The following PEX5L variants were observed in gnomAD, a reference collection of about 807,000 sequenced individuals.
The protein encoded by PEX5L is peroxisomal biogenesis factor 5 like.
PEX5L carries 30 observed loss-of-function variants against 84.0 expected under a neutral mutation model. The observed-to-expected ratio is 0.36, with a 90% CI of 0.27 to 0.48. The LOEUF is 0.48. Ranked by LOEUF, PEX5L falls within the 20% of genes least tolerant of loss-of-function variation. The pLI is 0.99. For missense variants in PEX5L, 533 were observed against 754.6 expected (o/e 0.71, Z 3.44); for synonymous variants, 270 against 283.1 (o/e 0.95, Z 0.46).
At chr3:179,876,338 A>G (rs913248852) in intron 5 of PEX5L, among the ~76,000 whole-genome samples, 1 of 151,958 alleles carries the variant, frequency 6.6e-6, no homozygotes, top group East Asian at 1.9e-4. Flanking sequence ...TACTAAATAA[A>G]AAAAAAAAAT....
intron 2 of PEX5L, among the ~76,000 whole-genome samples, chr3:179,965,381 C>T (rs936962287): frequency 5.9e-5 from 9 of 152,170 alleles, no homozygotes; most frequent in Admixed American, 5.2e-4. Context: ...TCATTTGAGC[C>T]TCACAGCAGG....
At chr3:179,957,373 C>T (rs1362505216) in intron 2 of PEX5L, among the ~76,000 whole-genome samples, 7 of 152,000 alleles carry the variant, frequency 4.6e-5, no homozygotes, top group Admixed American at 3.9e-4. Context: ...AAGGCTGGGG[C>T]GCTGCTTTTG....
At chr3:179,931,458 C>T (rs73060751) in intron 2 of PEX5L, among the ~76,000 whole-genome samples, 5 of 152,256 alleles carry the variant, frequency 3.3e-5, no homozygotes, top group East Asian at 1.9e-4. Flanking sequence ...AATCTCTTCA[C>T]GGTCTGCTTT....
intron 1 of PEX5L, among the ~76,000 whole-genome samples, chr3:180,015,349 G>A (rs1198981054): frequency 6.6e-6 from 1 of 152,178 alleles, no homozygotes; most frequent in Non-Finnish European, 1.5e-5. Context: ...TAGCGAACGA[G>A]CTACCAAATT....
chr3:179,931,658 T>C (rs1226024383), intron 2 of PEX5L, among the ~76,000 whole-genome samples: 2 of 152,168 alleles, frequency 1.3e-5, no homozygotes, highest in Non-Finnish European at 2.9e-5. Flanking sequence ...ATTTTTTTTC[T>C]AAAGAGGTTC....
At chr3:179,991,077 T>C (rs1014831320) in intron 1 of PEX5L, among the ~76,000 whole-genome samples, 3 of 152,178 alleles carry the variant, frequency 2.0e-5, no homozygotes, top group Non-Finnish European at 1.5e-5. Flanking sequence ...GCATTCTACA[T>C]GTATTCCTGA....
intron 11 of PEX5L, among the ~76,000 whole-genome samples, chr3:179,809,879 G>A (rs1339638554): frequency 6.6e-6 from 1 of 151,690 alleles, no homozygotes; most frequent in Non-Finnish European, 1.5e-5. Context: ...CCTAATGATT[G>A]CTAGGTTTGG....
chr3:180,025,536 A>G (rs1206104419), intron 1 of PEX5L, among the ~76,000 whole-genome samples: 4 of 152,338 alleles, frequency 2.6e-5, no homozygotes, highest in Middle Eastern at 3.4e-3. Context: ...AAGCATCAAG[A>G]AAAACATCCT....
chr3:180,001,994 T>A (rs1327713287), intron 1 of PEX5L, among the ~76,000 whole-genome samples: 2 of 152,214 alleles, frequency 1.3e-5, no homozygotes, highest in African/African-American at 4.8e-5. Flanking sequence ...ATATTGCACT[T>A]ACTTCTTTGT....
chr3:179,935,116 T>C (rs1260591970), intron 2 of PEX5L, among the ~76,000 whole-genome samples: 1 of 149,470 alleles, frequency 6.7e-6, no homozygotes, highest in Non-Finnish European at 1.5e-5. Context: ...AGGGGCAGAC[T>C]TACTCGAGTC....
chr3:180,020,301 T>C (rs1035312921), intron 1 of PEX5L, among the ~76,000 whole-genome samples: 2 of 152,008 alleles, frequency 1.3e-5, no homozygotes, highest in Non-Finnish European at 2.9e-5. Context: ...AGAATAAATA[T>C]AACATTGGTC....
intron 1 of PEX5L, among the ~76,000 whole-genome samples, chr3:180,036,276 C>T (rs1291450999): frequency 6.6e-6 from 1 of 152,132 alleles, no homozygotes; most frequent in African/African-American, 2.4e-5. Context: ...ACAACGGAAA[C>T]ACGGTCATCT....
chr3:179,863,528 A>C (rs1011045534), intron 7 of PEX5L, among the ~76,000 whole-genome samples: 4 of 152,166 alleles, frequency 2.6e-5, no homozygotes, highest in African/African-American at 9.6e-5. Flanking sequence ...AAGGACCTGA[A>C]TGGACATTTC....
chr3:180,023,310 T>C (rs1021271954), intron 1 of PEX5L, among the ~76,000 whole-genome samples: 3 of 152,306 alleles, frequency 2.0e-5, no homozygotes, highest in South Asian at 2.1e-4. Context: ...AAAGTGACTA[T>C]TGTAGCAGAG....
chr3:179,830,148 A>T (rs1372230762), intron 8 of PEX5L, among the ~76,000 whole-genome samples: 1 of 151,962 alleles, frequency 6.6e-6, no homozygotes, highest in Non-Finnish European at 1.5e-5. Context: ...CTTTGTGGAA[A>T]TAGTATTTTC....
intron 1 of PEX5L, chr3:179,973,325 C>A: frequency 8.0e-7 from 1 of 1,252,578 alleles, no homozygotes; most frequent in Non-Finnish European, 1.0e-6. Context: ...AGATCTTGCC[C>A]AGGAACAGCA....
At chr3:179,908,696 C>T (rs1311263129) in intron 2 of PEX5L, among the ~76,000 whole-genome samples, 7 of 149,640 alleles carry the variant, frequency 4.7e-5, no homozygotes, top group Non-Finnish European at 8.9e-5. Flanking sequence ...TCAATTCCCA[C>T]CTATGAGTGA....
At chr3:180,027,382 A>G (rs1251766505) in intron 1 of PEX5L, among the ~76,000 whole-genome samples, 1 of 152,240 alleles carries the variant, frequency 6.6e-6, no homozygotes, top group Non-Finnish European at 1.5e-5. Context: ...CAGAAAAATT[A>G]CAAAAAGAGT....
intron 5 of PEX5L, among the ~76,000 whole-genome samples, chr3:179,879,097 T>G (rs1430758039): frequency 3.3e-5 from 5 of 152,202 alleles, no homozygotes; most frequent in Non-Finnish European, 2.9e-5. Context: ...TATGAATGTA[T>G]ATACAATATT....
Sources: allele counts gnomAD v4.1 joint callset (sites outside exome capture counted in the v4.1 genomes callset), GRCh38; gene constraint gnomAD v4.1.1; transcripts MANE v1.5; gene names NCBI Gene and HGNC (gene_info 2026-07-23, HGNC 2026-07-21).